Variants in AGPS observed in about 807,000 individuals in gnomAD.
The protein encoded by AGPS is alkyldihydroxyacetonephosphate synthase, peroxisomal.
A neutral mutation model predicts 90.7 loss-of-function variants in AGPS; 26 were observed. The observed-to-expected ratio is 0.29, with a 90% CI of 0.21 to 0.40. AGPS has a LOEUF of 0.40. AGPS is among the 10% of genes least tolerant of loss of function. AGPS has a pLI of 1.00. For missense variants in AGPS, 540 were observed against 816.1 expected (o/e 0.66, Z 4.12); for synonymous variants, 294 against 285.3 (o/e 1.03, Z -0.31).
chr2:177,458,633 C>G (rs533597307), intron 8 of AGPS, among the ~76,000 whole-genome samples: 12 of 152,288 alleles, frequency 7.9e-5, no homozygotes, highest in African/African-American at 2.2e-4. Context: ...TGAAGGACCT[C>G]TTCAAGGAGA....
chr2:177,451,021 G>A (rs969563799), intron 8 of AGPS, among the ~76,000 whole-genome samples: 10 of 124,834 alleles, frequency 8.0e-5, no homozygotes, highest in Admixed American at 2.3e-4. Flanking sequence ...GAGTCTAGTG[G>A]CACCATCATA....
intron 1 of AGPS, among the ~76,000 whole-genome samples, chr2:177,394,677 A>G (rs77761187): frequency 0.016 from 2,404 of 152,330 alleles, 61 homozygotes; most frequent in African/African-American, 0.054. Context: ...ACACCGTTAC[A>G]GCTCTATGAT....
intron 8 of AGPS, among the ~76,000 whole-genome samples, chr2:177,456,008 G>C (rs940500617): frequency 1.8e-4 from 28 of 152,130 alleles, no homozygotes; most frequent in Admixed American, 1.8e-3. Context: ...ATATGGGGCA[G>C]AGATGTTATT....
chr2:177,435,196 T>C (rs1686367466), intron 3 of AGPS, among the ~76,000 whole-genome samples: 1 of 151,908 alleles, frequency 6.6e-6, no homozygotes, highest in South Asian at 2.1e-4. Context: ...CAGGGCTATG[T>C]CTTATACAAT....
intron 11 of AGPS, among the ~76,000 whole-genome samples, chr2:177,485,196 C>A (rs1235199408): frequency 6.6e-6 from 1 of 152,176 alleles, no homozygotes; most frequent in Non-Finnish European, 1.5e-5. Flanking sequence ...TCAATAATAT[C>A]TCCCCTCTAT....
intron 9 of AGPS, among the ~76,000 whole-genome samples, chr2:177,462,367 T>G (rs1386207411): frequency 8.2e-6 from 1 of 121,374 alleles, no homozygotes; most frequent in African/African-American, 3.1e-5. Flanking sequence ...CACTCCAGCC[T>G]GGGCGACAGA....
chr2:177,423,679 G>A (rs535114733), intron 2 of AGPS, among the ~76,000 whole-genome samples: 6 of 152,230 alleles, frequency 3.9e-5, no homozygotes, highest in South Asian at 4.1e-4. Context: ...GCAGGAGGGC[G>A]ACTTTGACAT....
intron 19 of AGPS, among the ~76,000 whole-genome samples, chr2:177,532,352 A>G (rs1428851103): frequency 6.6e-6 from 1 of 152,194 alleles, no homozygotes; most frequent in Non-Finnish European, 1.5e-5. Flanking sequence ...ACATAATCAC[A>G]TGAAAAAATG....
chr2:177,528,736 A>C (rs531722556), intron 19 of AGPS, among the ~76,000 whole-genome samples: 1 of 152,166 alleles, frequency 6.6e-6, no homozygotes, highest in Non-Finnish European at 1.5e-5. Context: ...TCAACATCAT[A>C]AATGCTCAAT....
chr2:177,499,876 A>T (rs1242740968), intron 14 of AGPS, 146 bp downstream of exon 14: 1 of 600,194 alleles, frequency 1.7e-6, no homozygotes. Context: ...TTAGTGTTAA[A>T]TTTGTGGTAA....
chr2:177,415,045 C>T (rs1185108605), intron 1 of AGPS, among the ~76,000 whole-genome samples: 1 of 151,866 alleles, frequency 6.6e-6, no homozygotes, highest in East Asian at 1.9e-4. Flanking sequence ...TTTTAATTCC[C>T]TTAAATGCTG....
chr2:177,455,487 T>C (rs1412701414), intron 8 of AGPS, among the ~76,000 whole-genome samples: 4 of 151,894 alleles, frequency 2.6e-5, no homozygotes, highest in African/African-American at 9.7e-5. Context: ...AAGGATGGAG[T>C]CTCGCTATGT....
chr2:177,456,103 TTGAGCC>T (rs1687101889), intron 8 of AGPS, among the ~76,000 whole-genome samples: 1 of 152,234 alleles, frequency 6.6e-6, no homozygotes, highest in African/African-American at 2.4e-5. Flanking sequence ...GGAGGAATGC[TTGAGCC>T]CAGGATTGGA....
intron 1 of AGPS, among the ~76,000 whole-genome samples, chr2:177,399,096 T>G (rs1017340462): frequency 1.3e-5 from 2 of 152,232 alleles, no homozygotes; most frequent in African/African-American, 4.8e-5. Context: ...CATCTACCCT[T>G]GTGGTCATTT....
chr2:177,448,768 C>A (rs1366413148), intron 8 of AGPS, among the ~76,000 whole-genome samples: 1 of 152,140 alleles, frequency 6.6e-6, no homozygotes, highest in East Asian at 1.9e-4. Flanking sequence ...TCATCACAAT[C>A]AAGATAATGA....
intron 2 of AGPS, among the ~76,000 whole-genome samples, chr2:177,426,712 G>A (rs181133007): frequency 8.6e-4 from 131 of 152,196 alleles, no homozygotes; most frequent in African/African-American, 3.0e-3. Context: ...TGCATATGTT[G>A]AACCAACCTT....
intron 1 of AGPS, among the ~76,000 whole-genome samples, chr2:177,414,912 G>GTGTGTGTGTGTGTA (rs1685741353): frequency 2.0e-5 from 3 of 151,614 alleles, no homozygotes; most frequent in Admixed American, 1.3e-4. Context: ...GTGTGTGTGT[G>GTGTGTGTGTGTGTA]TGTGTGTGTA....
At chr2:177,476,269 G>A (rs1687778484) in intron 10 of AGPS, among the ~76,000 whole-genome samples, 1 of 151,382 alleles carries the variant, frequency 6.6e-6, no homozygotes, top group Non-Finnish European at 1.5e-5. Flanking sequence ...AGAAGGTTAG[G>A]CTATTTGAGA....
At chr2:177,426,109 T>G (rs1281907094) in intron 2 of AGPS, among the ~76,000 whole-genome samples, 1 of 152,226 alleles carries the variant, frequency 6.6e-6, no homozygotes, top group Admixed American at 6.5e-5. Context: ...GTCCTTCATT[T>G]CCCTTGTTAG....
Sources: gnomAD v4.1 joint callset for allele counts (sites outside exome capture counted in the v4.1 genomes callset) on GRCh38, gnomAD v4.1.1 for gene constraint, MANE v1.5 for transcripts, NCBI Gene and HGNC (gene_info 2026-07-23, HGNC 2026-07-21) for gene names.